The following OXR1 variants were observed in gnomAD, a reference collection of about 807,000 sequenced individuals.
OXR1 encodes the protein oxidation resistance protein 1.
OXR1 carries 41 observed loss-of-function variants against 104.6 expected under a neutral mutation model. That is an observed-to-expected ratio of 0.39 (90% CI 0.31 to 0.51). OXR1 has a LOEUF of 0.51. OXR1 is among the 20% of genes least tolerant of loss of function. The pLI, the probability that OXR1 is intolerant of heterozygous loss-of-function variation, is 0.77. For missense variants in OXR1, 955 were observed against 1,031.9 expected (o/e 0.93, Z 1.02); for synonymous variants, 348 against 348.4 (o/e 1.00, Z 0.01).
intron 2 of OXR1, among the ~76,000 whole-genome samples, chr8:106,392,869 A>C (rs1817637648): frequency 6.6e-6 from 1 of 152,214 alleles, no homozygotes; most frequent in Admixed American, 6.5e-5. Context: ...ACTCAATGAC[A>C]TTGAATCTAA....
intron 3 of OXR1, among the ~76,000 whole-genome samples, chr8:106,640,271 C>T (rs964153981): frequency 4.0e-5 from 6 of 151,154 alleles, no homozygotes; most frequent in African/African-American, 1.5e-4. Flanking sequence ...TATATGTTTG[C>T]ATATATACAA....
intron 12 of OXR1, among the ~76,000 whole-genome samples, chr8:106,738,060 C>T (rs1379450369): frequency 6.6e-6 from 1 of 152,052 alleles, no homozygotes; most frequent in African/African-American, 2.4e-5. Context: ...GTTCTTGAGG[C>T]ATTCTTGGTT....
chr8:106,576,466 CAAAA>C (rs55917847), intron 3 of OXR1, among the ~76,000 whole-genome samples: 1 of 112,460 alleles, frequency 8.9e-6, no homozygotes, highest in Non-Finnish European at 1.8e-5. Context: ...CACAGTTATT[CAAAA>C]AAAAAAAAAA....
At chr8:106,600,759 T>C (rs539419698) in intron 3 of OXR1, among the ~76,000 whole-genome samples, 11 of 152,296 alleles carry the variant, frequency 7.2e-5, no homozygotes, top group Non-Finnish European at 1.6e-4. Flanking sequence ...CTATGGCTCA[T>C]GTCATATAGG....
At chr8:106,679,517 A>G (rs919843403) in intron 4 of OXR1, among the ~76,000 whole-genome samples, 1 of 152,008 alleles carries the variant, frequency 6.6e-6, no homozygotes, top group African/African-American at 2.4e-5. Flanking sequence ...AATTTAATAT[A>G]GATGATAGTT....
intron 1 of OXR1, among the ~76,000 whole-genome samples, chr8:106,300,066 AG>A (rs1182929208): frequency 6.6e-6 from 1 of 152,198 alleles, no homozygotes; most frequent in East Asian, 1.9e-4. Context: ...AAATAAAACT[AG>A]TTCTTTATAG....
At chr8:106,539,956 A>C (rs547780739) in intron 3 of OXR1, among the ~76,000 whole-genome samples, 5 of 152,200 alleles carry the variant, frequency 3.3e-5, no homozygotes, top group Non-Finnish European at 7.3e-5. Context: ...AGAAAAAATA[A>C]TATTTATATA....
chr8:106,710,559 A>T, intron 9 of OXR1, 63 bp from the exon 10 acceptor site: 1 of 1,117,932 alleles, frequency 8.9e-7, no homozygotes, highest in Non-Finnish European at 1.2e-6. Flanking sequence ...AGGTAAAGTT[A>T]ACTAAACTAC....
intron 3 of OXR1, 22 bp downstream of exon 3, chr8:106,519,161 CA>C (rs1262285611): frequency 6.7e-7 from 1 of 1,494,700 alleles, no homozygotes; most frequent in South Asian, 1.2e-5. Flanking sequence ...ATGTTTTATG[CA>C]AGTGAATAGA....
Position 106,751,857 on chromosome 8 carries a change from T to A in OXR1, c.*916T>A, listed in dbSNP as rs1465352181. On this transcript the variant is annotated 3_prime_UTR_variant, in exon 17 of 17. Transcript: ENST00000517566. The stretch of plus-strand genomic sequence containing the variant: ...CAACTCCCAAAATATAGGTTACTCT[T>A]GTTCAAAAGGAAAAAAAAAATTGTG... 6.6e-6 allele frequency: 1 copy of A among 152,428 alleles called. No homozygotes were observed. The highest frequency in any genetic ancestry group is 2.4e-5 in the African/African-American group (1 of 41,420). 9.4% of individuals were successfully genotyped at this position (152,428 alleles called of 1,614,324 possible).
chr8:106,588,109 G>A (rs1159174970), intron 3 of OXR1, among the ~76,000 whole-genome samples: 3 of 151,826 alleles, frequency 2.0e-5, no homozygotes, highest in African/African-American at 7.3e-5. Context: ...CCGCCACCAC[G>A]CCCGGCTAAT....
intron 10 of OXR1, among the ~76,000 whole-genome samples, chr8:106,711,931 T>G (rs950906106): frequency 6.6e-6 from 1 of 152,152 alleles, no homozygotes; most frequent in African/African-American, 2.4e-5. Context: ...AAGATACTGC[T>G]GAGCAAAGGT....
At chr8:106,597,221 G>A (rs7007738) in intron 3 of OXR1, among the ~76,000 whole-genome samples, 4,282 of 152,184 alleles carry the variant, frequency 0.028, 207 homozygotes, top group African/African-American at 0.099. Context: ...GAGCCTTTGG[G>A]GGGGTGATTA....
At chr8:106,411,845 C>A (rs1285830874) in intron 2 of OXR1, among the ~76,000 whole-genome samples, 1 of 152,112 alleles carries the variant, frequency 6.6e-6, no homozygotes. Flanking sequence ...AGTGCTAGGC[C>A]ACTAAAAGTA....
At chr8:106,590,931 G>C (rs10955426) in intron 3 of OXR1, among the ~76,000 whole-genome samples, 1 of 151,942 alleles carries the variant, frequency 6.6e-6, no homozygotes, top group Non-Finnish European at 1.5e-5. Context: ...GGTAGCATGA[G>C]TGGACCTGGA....
chr8:106,330,111 A>C (rs1240462826), intron 1 of OXR1, among the ~76,000 whole-genome samples: 3 of 152,172 alleles, frequency 2.0e-5, no homozygotes, highest in Non-Finnish European at 4.4e-5. Context: ...GCCTTCATTC[A>C]TACTGCCCCT....
intron 3 of OXR1, among the ~76,000 whole-genome samples, chr8:106,606,820 G>C (rs1820436226): frequency 6.6e-6 from 1 of 152,066 alleles, no homozygotes; most frequent in Non-Finnish European, 1.5e-5. Context: ...ATATTTTTTA[G>C]GGGGTCATCA....
chr8:106,558,275 C>G (rs1816432158), intron 3 of OXR1, among the ~76,000 whole-genome samples: 2 of 152,134 alleles, frequency 1.3e-5, no homozygotes, highest in South Asian at 4.1e-4. Flanking sequence ...CCAAAGCAGC[C>G]CAAAAGCCAG....
At chr8:106,419,092 C>T (rs530833214) in intron 2 of OXR1, among the ~76,000 whole-genome samples, 3 of 152,232 alleles carry the variant, frequency 2.0e-5, no homozygotes, top group Admixed American at 2.0e-4. Flanking sequence ...ATTGAAATGT[C>T]AAATTTTCTA....
Sources: allele counts gnomAD v4.1 joint callset (sites outside exome capture counted in the v4.1 genomes callset), GRCh38; gene constraint gnomAD v4.1.1; transcripts MANE v1.5; gene names NCBI Gene and HGNC (gene_info 2026-07-23, HGNC 2026-07-21).